Variants in KIZ observed in about 807,000 individuals in gnomAD.
KIZ encodes kizuna centrosomal protein.
In KIZ, 68 loss-of-function variants were observed where a neutral mutation model predicts 79.6. That is an observed-to-expected ratio of 0.85 (90% CI 0.70 to 1.05). The LOEUF is 1.05. Among genes scored for constraint, KIZ ranks in the 50% least tolerant of loss-of-function variants. KIZ has a pLI of 0.00. For synonymous variants in KIZ, 280 were observed against 281.8 expected (o/e 0.99, Z 0.06); for missense variants, 797 against 800.4 (o/e 1.00, Z 0.05).
At chr20:21,151,248 A>T (rs2122564205) in intron 4 of KIZ, 1 of 152,324 alleles carries the variant, frequency 6.6e-6, no homozygotes, top group East Asian at 1.9e-4. Flanking sequence ...TTTACTTAGG[A>T]AAATGGTGGG....
At chr20:21,188,400 T>C (rs940647641) in intron 6 of KIZ, among the ~76,000 whole-genome samples, 2 of 152,202 alleles carry the variant, frequency 1.3e-5, no homozygotes, top group Non-Finnish European at 2.9e-5. Flanking sequence ...TCACTGAACT[T>C]CAGCATAAAA....
In KIZ at chr20:21,126,188, C is replaced by G; in HGVS notation, c.73C>G (p.His25Asp). The change falls in exon 1 of 13, where the codon CAC becomes GAC. Residue 25 changes from histidine (H) to aspartate (D), a missense_variant. Coordinates refer to ENST00000619189, the MANE Select transcript of KIZ (RefSeq NM_018474.6). Reference protein sequence around the residue: ...DYYERLGQLQHGLRDSEKKRL... With the variant: ...DYYERLGQLQDGLRDSEKKRL... ...CTACGAGAGGCTGGGCCAACTCCAG[C>G]ACGGGCTGCGGGACAGGTAAGGGCA... The G allele has an allele frequency of 6.7e-7, 1 of 1,488,382 alleles. No individual in the cohort carries two copies. The highest frequency in any genetic ancestry group is 9.0e-7 in the Non-Finnish European group (1 of 1,115,240). The allele number at this position is 1,488,382 out of a possible 1,614,324, so 92.2% of individuals were successfully genotyped here. A position where few individuals can be genotyped will look rare whatever the true frequency, so the allele number is the denominator to read the frequency against.
rs61333547 is a variant in KIZ, at chr20:21,147,961, T to TTGTGTGTGTGTGTGTGTG, written c.405+2324_405+2341dup. Reference sequence around the variant, plus strand: ...AAGAACTGAGATTTCCTCCTGGAATTTGTGTGTGTGTGTGTGTGTGTGTGT... The same window carrying TTGTGTGTGTGTGTGTGTG: ...AAGAACTGAGATTTCCTCCTGGAATTTGTGTGTGTGTGTGTGTGTGTGTGTGTGTGTGTGTGTGTGTGT... On this transcript the variant is annotated intron_variant, in intron 4 of 12. Coordinates refer to ENST00000619189, the MANE Select transcript of KIZ (RefSeq NM_018474.6). Among the ~76,000 whole-genome samples the TTGTGTGTGTGTGTGTGTG allele has an allele frequency of 1.6e-3, 232 of 141,128 alleles. 1 individual carries two copies. Among genetic ancestry groups the TTGTGTGTGTGTGTGTGTG allele is most frequent in the East Asian group, 2.8e-3 (13 of 4,722 alleles). 92.6% of individuals were successfully genotyped at this position (141,128 alleles called of 152,430 possible). A position where few individuals can be genotyped will look rare whatever the true frequency, so the allele number is the denominator to read the frequency against.
intron 12 of KIZ, chr20:21,245,335 G>A (rs567887098): frequency 2.0e-5 from 3 of 152,250 alleles, no homozygotes; most frequent in African/African-American, 7.2e-5. Context: ...GTACCCAGTG[G>A]GTTGTGATGG....
In KIZ at chr20:21,214,686, C is replaced by T; in HGVS notation, c.1598C>T (p.Pro533Leu). The change falls in exon 8 of 13, where the codon CCT becomes CTT. Residue 533 changes from proline to leucine, a missense_variant. Coordinates refer to ENST00000619189, the MANE Select transcript of KIZ (RefSeq NM_018474.6). ...CCTGCTGTATGGCTCAACAGTGTTC[C>T]TACAAGGGAACAAGGTAACTATTGT... ...AKPAVWLNSV[P>L]TREQEVSSGC... 2 of 1,611,366 alleles carry T rather than the reference C, an allele frequency of 1.2e-6. No homozygotes were observed. The highest frequency in any genetic ancestry group is 1.7e-6 in the Non-Finnish European group (2 of 1,177,870).
chr20:21,215,737 C>G, intron 9 of KIZ, 89 bp downstream of exon 9: 1 of 744,878 alleles, frequency 1.3e-6, no homozygotes, highest in Non-Finnish European at 2.3e-6. Flanking sequence ...TTGTGGACCC[C>G]ACTAAGAGCA....
intron 1 of KIZ, among the ~76,000 whole-genome samples, chr20:21,131,564 C>A (rs1239216173): frequency 6.6e-6 from 1 of 152,126 alleles, no homozygotes; most frequent in Non-Finnish European, 1.5e-5. Flanking sequence ...TGATGGGACC[C>A]CATCACCGAA....
chr20:21,176,812 AC>A (rs1201447927), intron 6 of KIZ, among the ~76,000 whole-genome samples: 4 of 152,262 alleles, frequency 2.6e-5, no homozygotes, highest in African/African-American at 9.6e-5. Context: ...AAACTCTGTA[AC>A]AGAAATAAAG....
intron 6 of KIZ, among the ~76,000 whole-genome samples, chr20:21,174,638 A>T (rs1345758137): frequency 6.6e-6 from 1 of 152,214 alleles, no homozygotes; most frequent in Non-Finnish European, 1.5e-5. Flanking sequence ...TTCAGGCTTG[A>T]ACAAAGTACT....
chr20:21,223,954 A>G (rs2036581518), intron 9 of KIZ, among the ~76,000 whole-genome samples: 1 of 152,014 alleles, frequency 6.6e-6, no homozygotes, highest in Non-Finnish European at 1.5e-5. Context: ...CTGGGATTAC[A>G]GGCGTGAGCC....
At chr20:21,242,831 C>G (rs961123061) in intron 11 of KIZ, among the ~76,000 whole-genome samples, 16 of 152,124 alleles carry the variant, frequency 1.1e-4, no homozygotes, top group Non-Finnish European at 2.1e-4. Flanking sequence ...TGCAGCTCCC[C>G]CAATCACCTG....
At chr20:21,244,536 G>T in intron 12 of KIZ, 1 of 516,822 alleles carries the variant, frequency 1.9e-6, no homozygotes, top group South Asian at 2.8e-5. Context: ...AATTTGCAGG[G>T]GATCCTGGCC....
chr20:21,126,073 C>G (rs764158071), upstream of KIZ: 8 of 1,461,746 alleles, frequency 5.5e-6, no homozygotes, highest in East Asian at 6.0e-5. Context: ...CCCGGCCGAA[C>G]GGCCACCCAG....
At position 21,246,459 on chromosome 20, in the gene KIZ, T is replaced by G; in HGVS notation, c.1925-20T>G. ...CCAGAATGCAAAAATGTTAAATAACTGTCTGGTTTTATTTTCCAGCCCTCT... is the reference window on the plus strand; with the variant it reads ...CCAGAATGCAAAAATGTTAAATAACGGTCTGGTTTTATTTTCCAGCCCTCT... On this transcript the variant is annotated intron_variant, in intron 12 of 12. Transcript: ENST00000619189. The G allele has an allele frequency of 6.8e-7, 1 of 1,474,408 alleles. No individual in the cohort carries two copies. Among genetic ancestry groups the G allele is most frequent in the Non-Finnish European group, 9.5e-7 (1 of 1,054,248 alleles). 91.3% of individuals were successfully genotyped at this position (1,474,408 alleles called of 1,614,324 possible).
chr20:21,135,881 G>A (rs1032081168), intron 2 of KIZ, among the ~76,000 whole-genome samples: 1 of 152,076 alleles, frequency 6.6e-6, no homozygotes, highest in Non-Finnish European at 1.5e-5. Context: ...TTATATTGTA[G>A]CAATTTCTAA....
chr20:21,215,552 A>C (rs6137293), intron 8 of KIZ, 31 bp from the exon 9 acceptor site: 1 of 1,375,904 alleles, frequency 7.3e-7, no homozygotes, highest in Non-Finnish European at 1.0e-6. Context: ...ACTTTGAAAT[A>C]CTTTTTTTTT....
chr20:21,179,166 G>A, intron 6 of KIZ, among the ~76,000 whole-genome samples: 1 of 149,636 alleles, frequency 6.7e-6, no homozygotes, highest in Non-Finnish European at 1.5e-5. Flanking sequence ...TTAAATGTCT[G>A]GTAGAATTCA....
rs151023414 is a variant in KIZ at position 21,216,189 on chromosome 20, G to A, written c.1678+541G>A. The stretch of plus-strand genomic sequence containing the variant: ...AGGCTTGTTTAGGTGGAATCTGAAC[G>A]ATATCATTATTTTTTTCTTTTTAGA... On this transcript the variant is annotated intron_variant, in intron 9 of 12. Transcript: ENST00000619189. 3.2e-3 allele frequency among the ~76,000 whole-genome samples: 493 copies of A among 152,246 alleles called. 2 individuals carry two copies. The highest frequency in any genetic ancestry group is 5.1e-3 in the Admixed American group (78 of 15,290).
chr20:21,147,961 T>TTGTGTGTGTG (rs61333547), intron 4 of KIZ, among the ~76,000 whole-genome samples: 13,722 of 140,898 alleles, frequency 0.097, 781 homozygotes, highest in South Asian at 0.14. Flanking sequence ...CTCCTGGAAT[T>TTGTGTGTGTG]TGTGTGTGTG....
Sources: gnomAD v4.1 joint callset for allele counts (sites outside exome capture counted in the v4.1 genomes callset) on GRCh38, gnomAD v4.1.1 for gene constraint, MANE v1.5 for transcripts, NCBI Gene and HGNC (gene_info 2026-07-23, HGNC 2026-07-21) for gene names.